KDM4C: variants seen among roughly 807,000 people sequenced by gnomAD.
KDM4C encodes lysine-specific demethylase 4C.
A neutral mutation model predicts 129.3 loss-of-function variants in KDM4C; 81 were observed. The ratio of observed to expected loss-of-function variants is 0.63; its 90% CI spans 0.52 to 0.75. The LOEUF is 0.75. Ranked by LOEUF, KDM4C falls within the 30% of genes least tolerant of loss-of-function variation. KDM4C has a pLI of 0.00. For missense variants in KDM4C, 1,457 were observed against 1,304.0 expected (o/e 1.12, Z -1.81); for synonymous variants, 573 against 456.1 (o/e 1.26, Z -3.26).
intron 20 of KDM4C, among the ~76,000 whole-genome samples, chr9:7,167,342 A>T (rs1052231587): frequency 5.3e-5 from 8 of 152,118 alleles, no homozygotes; most frequent in African/African-American, 1.9e-4. Flanking sequence ...GCGAACTAGG[A>T]CGGTTGGTTA....
chr9:6,722,739 T>C (rs1191716227), intron 1 of KDM4C, among the ~76,000 whole-genome samples: 3 of 151,868 alleles, frequency 2.0e-5, no homozygotes, highest in African/African-American at 7.3e-5. Flanking sequence ...TCTCGAACTC[T>C]CAACCTCAGG....
At chr9:6,918,627 A>C (rs1369212060) in intron 8 of KDM4C, among the ~76,000 whole-genome samples, 1 of 152,162 alleles carries the variant, frequency 6.6e-6, no homozygotes, top group Non-Finnish European at 1.5e-5. Flanking sequence ...ATTAATTTAC[A>C]TCCCTACCAG....
At chr9:6,988,832 G>A (rs747610755) in intron 11 of KDM4C, among the ~76,000 whole-genome samples, 1 of 151,332 alleles carries the variant, frequency 6.6e-6, no homozygotes, top group Non-Finnish European at 1.5e-5. Context: ...TTCCCCTCAA[G>A]TATCACTGTA....
intron 1 of KDM4C, among the ~76,000 whole-genome samples, chr9:6,726,015 C>T (rs902441096): frequency 1.3e-5 from 2 of 151,920 alleles, no homozygotes; most frequent in Non-Finnish European, 2.9e-5. Context: ...CAACCTCCAC[C>T]TCCCTGGTTC....
At chr9:6,955,171 C>T (rs1469778731) in intron 8 of KDM4C, among the ~76,000 whole-genome samples, 4 of 152,150 alleles carry the variant, frequency 2.6e-5, no homozygotes, top group Non-Finnish European at 5.9e-5. Flanking sequence ...CTGAATGCCT[C>T]TCTATATTTT....
intron 15 of KDM4C, among the ~76,000 whole-genome samples, chr9:7,020,817 C>T (rs1004233846): frequency 6.6e-6 from 1 of 152,130 alleles, no homozygotes; most frequent in African/African-American, 2.4e-5. Flanking sequence ...TACAAACAAT[C>T]CAGTTATACT....
chr9:7,108,619 T>G (rs7048573), intron 18 of KDM4C, among the ~76,000 whole-genome samples: 67,645 of 152,004 alleles, frequency 0.45, 15,444 homozygotes, highest in East Asian at 0.75. Context: ...TCATGAGGCA[T>G]GGGCTTAGGA....
chr9:6,838,260 G>A (rs1356615475), intron 4 of KDM4C, among the ~76,000 whole-genome samples: 2 of 152,158 alleles, frequency 1.3e-5, no homozygotes, highest in Non-Finnish European at 2.9e-5. Flanking sequence ...TAGTGGTCCT[G>A]CTTGAGGGGC....
chr9:6,773,745 T>C (rs1266779694), intron 1 of KDM4C, among the ~76,000 whole-genome samples: 1 of 147,256 alleles, frequency 6.8e-6, no homozygotes, highest in Non-Finnish European at 1.5e-5. Flanking sequence ...CACCCTAGCC[T>C]GGGCGACAGA....
At chr9:6,772,839 C>T (rs569260232) in intron 1 of KDM4C, among the ~76,000 whole-genome samples, 30 of 149,636 alleles carry the variant, frequency 2.0e-4, no homozygotes, top group Middle Eastern at 3.5e-3. Context: ...ATTACAGGTG[C>T]GTGCCACCCC....
intron 15 of KDM4C, among the ~76,000 whole-genome samples, chr9:7,018,094 A>G (rs1404517698): frequency 6.6e-6 from 1 of 152,228 alleles, no homozygotes; most frequent in African/African-American, 2.4e-5. Context: ...TGAGAAATGC[A>G]TCGTTAGGCA....
In KDM4C at chr9:6,906,980, C is replaced by G. The variant is rs180966508; in HGVS notation, c.921+13748C>G. 1.2e-4 allele frequency among the ~76,000 whole-genome samples: 18 copies of G among 152,262 alleles called. No homozygotes were observed. In the East Asian group the frequency reaches 2.7e-3, roughly 23 times the overall value. ...AGATTTATGATATGGATCAAGGATT[C>G]TAGAAACTATTCTCGTAACCAGTTT... is the stretch of plus-strand genomic sequence containing the variant. On this transcript the variant is annotated intron_variant, in intron 8 of 21. Transcript: ENST00000381309.
chr9:6,843,584 C>T (rs187095826), intron 4 of KDM4C, among the ~76,000 whole-genome samples: 245 of 152,270 alleles, frequency 1.6e-3, no homozygotes, highest in African/African-American at 5.6e-3. Context: ...ATTTGCAGCA[C>T]TGAACCCTGG....
At chr9:6,960,893 T>G (rs372566892) in intron 8 of KDM4C, among the ~76,000 whole-genome samples, 2 of 152,150 alleles carry the variant, frequency 1.3e-5, no homozygotes, top group African/African-American at 2.4e-5. Flanking sequence ...ACTAGGCTAG[T>G]GAGCACTACA....
At chr9:6,873,941 C>CGA (rs61477112) in intron 5 of KDM4C, among the ~76,000 whole-genome samples, 19,568 of 131,902 alleles carry the variant, frequency 0.15, 1,409 homozygotes, top group South Asian at 0.34. Context: ...TGAGAGAGAG[C>CGA]GAGAGAGAGA....
chr9:7,158,720 T>G (rs1843461058), intron 19 of KDM4C, among the ~76,000 whole-genome samples: 1 of 152,228 alleles, frequency 6.6e-6, no homozygotes, highest in African/African-American at 2.4e-5. Flanking sequence ...TTACAGTGAT[T>G]TCTGTGCTTT....
At chr9:6,724,422 T>C (rs527384104) in intron 1 of KDM4C, among the ~76,000 whole-genome samples, 10 of 152,224 alleles carry the variant, frequency 6.6e-5, no homozygotes, top group African/African-American at 2.2e-4. Context: ...CTTGGATGGA[T>C]CAAAAATGAA....
At chr9:6,949,756 C>G (rs998899089) in intron 8 of KDM4C, among the ~76,000 whole-genome samples, 1 of 152,238 alleles carries the variant, frequency 6.6e-6, no homozygotes, top group Non-Finnish European at 1.5e-5. Context: ...GCAGGAGAAT[C>G]AGGCAGGGAG....
At chr9:7,044,062 T>C (rs1207380424) in intron 15 of KDM4C, among the ~76,000 whole-genome samples, 1 of 151,948 alleles carries the variant, frequency 6.6e-6, no homozygotes, top group African/African-American at 2.4e-5. Flanking sequence ...GTTTACAGTT[T>C]AGTGAGGGCA....
Sources: allele counts gnomAD v4.1 joint callset (sites outside exome capture counted in the v4.1 genomes callset), GRCh38; gene constraint gnomAD v4.1.1; transcripts MANE v1.5; gene names NCBI Gene and HGNC (gene_info 2026-07-23, HGNC 2026-07-21).